The following LRP1B variants were observed in gnomAD, a reference collection of about 807,000 sequenced individuals.
The protein encoded by LRP1B is LDL receptor related protein 1B.
In LRP1B, 217 loss-of-function variants were observed where a neutral mutation model predicts 556.6. That is an observed-to-expected ratio of 0.39 (90% CI 0.35 to 0.44). The LOEUF (loss-of-function observed/expected upper bound fraction) is 0.44, where lower values mean the gene tolerates loss of function less well. Among genes scored for constraint, LRP1B ranks in the 20% least tolerant of loss-of-function variants. The pLI is 1.00. For synonymous variants in LRP1B, 2,047 were observed against 1,865.8 expected (o/e 1.10, Z -2.50); for missense variants, 5,053 against 5,620.8 (o/e 0.90, Z 3.23).
At chr2:140,547,823 T>C (rs1459151092) in intron 43 of LRP1B, among the ~76,000 whole-genome samples, 1 of 152,048 alleles carries the variant, frequency 6.6e-6, no homozygotes, top group Non-Finnish European at 1.5e-5. Context: ...TGCAGAGTTG[T>C]TCTAATTTTT....
At chr2:140,810,690 A>AT (rs910797513) in intron 32 of LRP1B, among the ~76,000 whole-genome samples, 2 of 152,068 alleles carry the variant, frequency 1.3e-5, no homozygotes, top group African/African-American at 4.8e-5. Flanking sequence ...TGCTAGGTGT[A>AT]TTTTGGTATG....
intron 3 of LRP1B, among the ~76,000 whole-genome samples, chr2:141,295,446 T>G (rs1344589815): frequency 6.6e-6 from 1 of 152,280 alleles, no homozygotes; most frequent in East Asian, 1.9e-4. Context: ...TAGGTTTTAA[T>G]GAATCTCAAT....
At chr2:140,678,059 A>G (rs977446462) in intron 41 of LRP1B, among the ~76,000 whole-genome samples, 2 of 152,200 alleles carry the variant, frequency 1.3e-5, no homozygotes, top group Non-Finnish European at 2.9e-5. Context: ...AGTAAAAAGC[A>G]GAGCCACAAT....
intron 2 of LRP1B, among the ~76,000 whole-genome samples, chr2:141,657,824 T>A (rs548404069): frequency 6.6e-6 from 1 of 152,320 alleles, no homozygotes; most frequent in Admixed American, 6.5e-5. Flanking sequence ...CTTTCTGAAA[T>A]AATCTTTTGT....
chr2:140,527,211 T>C (rs186414388), intron 47 of LRP1B, among the ~76,000 whole-genome samples: 27 of 152,050 alleles, frequency 1.8e-4, no homozygotes, highest in Non-Finnish European at 4.0e-4. Flanking sequence ...AATCATATAG[T>C]GGTTTCCAGT....
intron 2 of LRP1B, among the ~76,000 whole-genome samples, chr2:141,491,585 G>A (rs1683336441): frequency 6.6e-6 from 1 of 152,072 alleles, no homozygotes. Context: ...CCTGGGAGGA[G>A]GCATGTTAAA....
chr2:140,369,219 A>C (rs567113958), intron 71 of LRP1B, among the ~76,000 whole-genome samples: 1 of 152,000 alleles, frequency 6.6e-6, no homozygotes, highest in East Asian at 1.9e-4. Context: ...ACCTTGAGTA[A>C]AAACTGACAT....
chr2:141,494,549 G>A (rs1007310211), intron 2 of LRP1B, among the ~76,000 whole-genome samples: 1 of 151,608 alleles, frequency 6.6e-6, no homozygotes, highest in African/African-American at 2.4e-5. Context: ...AGTAATTGCT[G>A]TTTTTGCCAC....
At chr2:142,039,216 T>C (rs1703986122) in intron 1 of LRP1B, among the ~76,000 whole-genome samples, 1 of 151,542 alleles carries the variant, frequency 6.6e-6, no homozygotes, top group African/African-American at 2.4e-5. Context: ...ATTTTTTTCA[T>C]GATAAATTGC....
chr2:140,421,609 G>C (rs1044472840), intron 66 of LRP1B, among the ~76,000 whole-genome samples: 28 of 152,144 alleles, frequency 1.8e-4, no homozygotes, highest in African/African-American at 6.5e-4. Context: ...AAAAATGGGT[G>C]TTTGGGTCCA....
At chr2:140,881,370 C>T (rs2105182043) in intron 25 of LRP1B, among the ~76,000 whole-genome samples, 1 of 151,706 alleles carries the variant, frequency 6.6e-6, no homozygotes, top group Non-Finnish European at 1.5e-5. Flanking sequence ...TCAAAATAGC[C>T]AATAAACTTG....
At chr2:141,022,991 A>G (rs1698109465) in intron 11 of LRP1B, among the ~76,000 whole-genome samples, 1 of 151,802 alleles carries the variant, frequency 6.6e-6, no homozygotes, top group Admixed American at 6.6e-5. Context: ...AGGAGTTAAC[A>G]TGTTTGTACT....
At chr2:141,061,479 T>C (rs565888037) in intron 8 of LRP1B, among the ~76,000 whole-genome samples, 1 of 151,810 alleles carries the variant, frequency 6.6e-6, no homozygotes, top group Non-Finnish European at 1.5e-5. Context: ...GACTGTTGTT[T>C]GCAAAACGTT....
intron 7 of LRP1B, among the ~76,000 whole-genome samples, chr2:141,094,789 A>C (rs1265033900): frequency 6.6e-6 from 1 of 152,208 alleles, no homozygotes; most frequent in Non-Finnish European, 1.5e-5. Context: ...TTTTAAGTTT[A>C]AAAGGATAGA....
chr2:140,868,383 G>T, intron 25 of LRP1B, 120 bp from the exon 26 acceptor site: 1 of 891,440 alleles, frequency 1.1e-6, no homozygotes, highest in Non-Finnish European at 1.6e-6. Flanking sequence ...AAGAGAAACA[G>T]ATGTATTATC....
At chr2:140,712,234 C>T (rs1381764990) in intron 37 of LRP1B, among the ~76,000 whole-genome samples, 2 of 152,030 alleles carry the variant, frequency 1.3e-5, no homozygotes, top group East Asian at 1.9e-4. Flanking sequence ...TACCAAGTTC[C>T]GTCACTGTAA....
At chr2:141,846,586 A>T (rs955080945) in intron 1 of LRP1B, among the ~76,000 whole-genome samples, 1 of 151,566 alleles carries the variant, frequency 6.6e-6, no homozygotes, top group African/African-American at 2.4e-5. Context: ...ACTAACTATA[A>T]AACATATTTA....
intron 41 of LRP1B, among the ~76,000 whole-genome samples, chr2:140,603,339 A>G (rs1314358832): frequency 2.0e-5 from 3 of 152,104 alleles, no homozygotes; most frequent in Non-Finnish European, 2.9e-5. Flanking sequence ...AAAGTTGATC[A>G]TGGTTAAGGA....
At chr2:141,380,968 C>T (rs980012562) in intron 3 of LRP1B, among the ~76,000 whole-genome samples, 3 of 151,672 alleles carry the variant, frequency 2.0e-5, no homozygotes, top group Admixed American at 1.3e-4. Flanking sequence ...GAAGACCGGG[C>T]GAGGTGATTT....
Sources: gnomAD v4.1 joint callset for allele counts (sites outside exome capture counted in the v4.1 genomes callset) on GRCh38, gnomAD v4.1.1 for gene constraint, MANE v1.5 for transcripts, NCBI Gene and HGNC (gene_info 2026-07-23, HGNC 2026-07-21) for gene names.